CMAS: variants seen among roughly 807,000 people sequenced by gnomAD.
The protein encoded by CMAS is N-acylneuraminate cytidylyltransferase.
A neutral mutation model predicts 53.4 loss-of-function variants in CMAS; 21 were observed. That is an observed-to-expected ratio of 0.39 (90% CI 0.28 to 0.57). The LOEUF (loss-of-function observed/expected upper bound fraction) is 0.57. Among genes scored for constraint, CMAS ranks in the 20% least tolerant of loss-of-function variants. The probability of loss-of-function intolerance (pLI) is 0.56; values close to 1 mark genes in which losing one functional copy is unlikely to be tolerated. For missense variants in CMAS, 384 were observed against 534.9 expected (o/e 0.72, Z 2.78); for synonymous variants, 189 against 195.2 (o/e 0.97, Z 0.27).
Position 22,061,334 on chromosome 12 carries a change from A to G in CMAS, c.842A>G (p.Asn281Ser), listed in dbSNP as rs1236684203. 16 of 1,611,952 alleles carry G rather than the reference A, an allele frequency of 9.9e-6. No homozygotes were observed. The highest frequency in any genetic ancestry group is 2.2e-5 in the East Asian group (1 of 44,750). Residue 281 changes from asparagine (N) to serine (S), a missense_variant, in exon 6 of 8, where the codon AAT (asparagine) becomes AGT (serine). Physicochemically the swap from Asn to Ser is conservative, Grantham distance 46. This residue lies in a region of CMAS where 139 missense variants were observed against 248.0 expected (regional missense o/e 0.56). Coordinates refer to ENST00000229329, the MANE Select transcript of CMAS (RefSeq NM_018686.6). ...AAGGAAATAAAACTTTTGGTTTGCA[A>G]TATTGATGGATGTCTCACCAATGGC... ...KLKEIKLLVC[N>S]IDGCLTNGHI... is the part of the protein sequence containing the mutation.
intron 4 of CMAS, among the ~76,000 whole-genome samples, chr12:22,059,474 A>T (rs866751014): frequency 2.0e-5 from 3 of 152,148 alleles, no homozygotes; most frequent in African/African-American, 7.2e-5. Flanking sequence ...ATATGAAGTA[A>T]TTGACTCAAG....
At chr12:22,060,360 A>AAAAAAAAAAAAT (rs1950300664) in intron 4 of CMAS, among the ~76,000 whole-genome samples, 1 of 121,762 alleles carries the variant, frequency 8.2e-6, no homozygotes, top group Admixed American at 8.2e-5. Context: ...AAAAAAAAAA[A>AAAAAAAAAAAAT]GCTGGGCGTG....
chr12:22,048,344 G>T (rs1305977829), intron 1 of CMAS, among the ~76,000 whole-genome samples: 1 of 152,198 alleles, frequency 6.6e-6, no homozygotes, highest in African/African-American at 2.4e-5. Flanking sequence ...GCTCTGGATA[G>T]ACCCTTTATG....
intron 1 of CMAS, among the ~76,000 whole-genome samples, chr12:22,049,191 C>T (rs190037739): frequency 6.6e-6 from 1 of 152,260 alleles, no homozygotes; most frequent in East Asian, 1.9e-4. Context: ...GTCACTATGG[C>T]AAGAGGAACA....
chr12:22,051,391 A>G (rs1950238834), intron 1 of CMAS, among the ~76,000 whole-genome samples: 1 of 152,204 alleles, frequency 6.6e-6, no homozygotes, highest in Non-Finnish European at 1.5e-5. Context: ...TAGACTTTTG[A>G]TTAATGAAAG....
chr12:22,054,385 C>T (rs1246031610), intron 1 of CMAS, among the ~76,000 whole-genome samples: 11 of 145,042 alleles, frequency 7.6e-5, no homozygotes, highest in Admixed American at 7.1e-4. Flanking sequence ...AACTGTGTAA[C>T]CTGCGGTTAA....
intron 2 of CMAS, 55 bp from the exon 3 acceptor site, chr12:22,055,396 ACTTG>A: frequency 6.7e-7 from 1 of 1,496,936 alleles, no homozygotes; most frequent in South Asian, 1.3e-5. Flanking sequence ...CCTTAATATT[ACTTG>A]CTTGCAAGGA....
chr12:22,059,128 T>TATATATATATA (rs1565531140), intron 4 of CMAS, among the ~76,000 whole-genome samples: 5 of 136,944 alleles, frequency 3.7e-5, no homozygotes, highest in Admixed American at 1.5e-4. Flanking sequence ...CGGAATCTTT[T>TATATATATATA]TATATATATA....
Position 22,046,639 on chromosome 12 carries a change from G to C in CMAS, c.260+76G>C, listed in dbSNP as rs552248835. The C allele has an allele frequency of 3.6e-6, 5 of 1,381,870 alleles. No homozygotes were observed. In the African/African-American group the frequency reaches 7.5e-5, roughly 21 times the overall value. 85.6% of individuals were successfully genotyped at this position (1,381,870 alleles called of 1,614,324 possible). A position where few individuals can be genotyped will look rare whatever the true frequency, so the allele number is the denominator to read the frequency against. ...GGAGTCGGGCTGCTGGAGGGGCTGG[G>C]GCCTCCGGGGCCACCGCTCTTGGAA... On this transcript the variant is annotated intron_variant, in intron 1 of 7. Transcript: ENST00000229329.
At chr12:22,048,968 T>C (rs147273153) in intron 1 of CMAS, among the ~76,000 whole-genome samples, 1 of 152,186 alleles carries the variant, frequency 6.6e-6, no homozygotes, top group African/African-American at 2.4e-5. Context: ...TTTCGTTTTC[T>C]GGGGCTGTGA....
chr12:22,048,872 A>G (rs891725512), intron 1 of CMAS, among the ~76,000 whole-genome samples: 2 of 152,164 alleles, frequency 1.3e-5, no homozygotes, highest in African/African-American at 4.8e-5. Flanking sequence ...TAACAAATCC[A>G]TATGGCCTAG....
chr12:22,055,478 C>A lies in CMAS; in HGVS notation c.427C>A (p.Gln143Lys). The change falls in exon 3 of 8, where the codon CAA becomes AAA. Residue 143 changes from glutamine to lysine, a missense_variant. By Grantham distance (53) the Gln-to-Lys change is moderately conservative. Coordinates refer to ENST00000229329, the MANE Select transcript of CMAS (RefSeq NM_018686.6). ...AGAGGTTGACATTGTAGGAAATATT[C>A]AAGCTACTTCTCCATGTTTACATCC... is the stretch of plus-strand genomic sequence containing the variant. ...HNEVDIVGNI[Q>K]ATSPCLHPTD... is the part of the protein sequence containing the mutation. 1 of 1,598,972 alleles carries A rather than the reference C, an allele frequency of 6.3e-7. No homozygotes were observed. The highest frequency in any genetic ancestry group is 1.2e-5 in the South Asian group (1 of 86,582).
chr12:22,052,223 C>T (rs527266165), intron 1 of CMAS, among the ~76,000 whole-genome samples: 9 of 152,204 alleles, frequency 5.9e-5, no homozygotes, highest in South Asian at 2.1e-4. Flanking sequence ...AGAATTACAC[C>T]GCTATATTGG....
At chr12:22,058,784 C>A (rs944179833) in intron 4 of CMAS, 84 bp downstream of exon 4, 24 of 1,460,648 alleles carry the variant, frequency 1.6e-5, no homozygotes, top group Admixed American at 1.6e-4. Context: ...GGTACAATTT[C>A]TTTATGATAA....
rs866264939 is a variant in CMAS, at chr12:22,061,118, T to C, written c.789-163T>C. 2.6e-4 allele frequency among the ~76,000 whole-genome samples: 40 copies of C among 152,308 alleles called. 1 individual carries two copies. Among genetic ancestry groups the C allele is most frequent in the African/African-American group, 8.7e-4 (36 of 41,584 alleles). On this transcript the variant is annotated intron_variant, in intron 5 of 7. Coordinates refer to ENST00000229329, the MANE Select transcript of CMAS (RefSeq NM_018686.6). ...ATTATCTGGCTAGACCACACTACTT[T>C]TACTTACTGTACTATATGTTAAAAT...
In CMAS at chr12:22,046,427, C is replaced by A; in HGVS notation, c.124C>A (p.Pro42Thr). Residue 42 changes from proline (P) to threonine (T), a missense_variant, in exon 1 of 8, where the codon CCC becomes ACC. Physicochemically the swap from Pro to Thr is conservative, Grantham distance 38 (BLOSUM62 -1). This residue lies in a region of CMAS where 111 missense variants were observed against 132.2 expected (regional missense o/e 0.84). Coordinates refer to ENST00000229329, the MANE Select transcript of CMAS (RefSeq NM_018686.6). ...CGGCCAGGGCCGAGGTGTGGAGAAG[C>A]CCCCGCACCTGGCAGCCCTAATTCT... ...RGGQGRGVEK[P>T]PHLAALILAR... The A allele has an allele frequency of 6.2e-7, 1 of 1,606,582 alleles. No homozygotes were observed. Among genetic ancestry groups the A allele is most frequent in the Non-Finnish European group, 8.5e-7 (1 of 1,177,340 alleles).
At chr12:22,050,225 TG>T (rs1289201574) in intron 1 of CMAS, among the ~76,000 whole-genome samples, 1 of 152,230 alleles carries the variant, frequency 6.6e-6, no homozygotes, top group African/African-American at 2.4e-5. Context: ...AATCAAACTG[TG>T]GATTTGAATT....
chr12:22,061,531 T>A, intron 6 of CMAS, 79 bp downstream of exon 6: 2 of 1,014,928 alleles, frequency 2.0e-6, no homozygotes, highest in Non-Finnish European at 2.7e-6. Context: ...TTAAGAGATT[T>A]AAATTTTTAG....
In CMAS at chr12:22,055,521, T is replaced by C. The variant is rs1284858570; in HGVS notation, c.470T>C (p.Val157Ala). 3 of 1,612,716 alleles carry C rather than the reference T, an allele frequency of 1.9e-6. No individual in the cohort carries two copies. Among genetic ancestry groups the C allele is most frequent in the Non-Finnish European group, 2.5e-6 (3 of 1,179,626 alleles). Residue 157 changes from valine (V) to alanine (A), a missense_variant, in exon 3 of 8, where the codon GTT becomes GCT. Physicochemically the swap from Val to Ala is moderately conservative, Grantham distance 64 (BLOSUM62 0). This residue lies in a region of CMAS where 139 missense variants were observed against 248.0 expected (regional missense o/e 0.56). Transcript: ENST00000229329. ...TTACATCCTACTGATCTTCAAAAAG[T>C]TGCAGAAATGATTCGAGAAGAAGGA... ...PCLHPTDLQK[V>A]AEMIREEGYD...
Sources: allele counts gnomAD v4.1 joint callset (sites outside exome capture counted in the v4.1 genomes callset), GRCh38; gene constraint gnomAD v4.1.1; regional missense constraint gnomAD v4.1.1; transcripts MANE v1.5; gene names NCBI Gene and HGNC (gene_info 2026-07-23, HGNC 2026-07-21).